The following PAM variants were observed in gnomAD, a reference collection of about 807,000 sequenced individuals.
PAM encodes peptidyl-glycine alpha-amidating monooxygenase.
PAM carries 72 observed loss-of-function variants against 122.1 expected under a neutral mutation model. That is an observed-to-expected ratio of 0.59 (90% CI 0.49 to 0.72). The LOEUF (loss-of-function observed/expected upper bound fraction) is 0.72, where lower values mean the gene tolerates loss of function less well. Ranked by LOEUF, PAM falls within the 30% of genes least tolerant of loss-of-function variation. The probability of loss-of-function intolerance (pLI) is 0.00; values close to 1 mark genes in which losing one functional copy is unlikely to be tolerated. For synonymous variants in PAM, 389 were observed against 404.4 expected, an observed-to-expected ratio of 0.96 and a Z score of 0.46; for missense variants, 1,106 against 1,183.7, an observed-to-expected ratio of 0.93 and a Z score of 0.96.
rs1417573441 is a variant in PAM at position 102,888,482 on chromosome 5, A to G, written c.211-12874A>G. Among the ~76,000 whole-genome samples, 9 of 151,956 alleles carry G rather than the reference A, an allele frequency of 5.9e-5. No individual in the cohort carries two copies. The East Asian group carries it at 1.4e-3, about 23-fold the overall frequency. ...TCTCTAAATTAGACAAAATTCTCAA[A>G]TCAAATCTAAATTCTCCTTATCTCC... On this transcript the variant is annotated intron_variant, in intron 3 of 25. Transcript: ENST00000438793.
chr5:103,002,137 C>G (rs1777587410), intron 16 of PAM, among the ~76,000 whole-genome samples: 1 of 151,984 alleles, frequency 6.6e-6, no homozygotes, highest in Non-Finnish European at 1.5e-5. Context: ...ATTACAGAAG[C>G]TTAGATTAGA....
At chr5:102,774,725 AT>A (rs1299894645) in intron 1 of PAM, among the ~76,000 whole-genome samples, 3 of 152,104 alleles carry the variant, frequency 2.0e-5, no homozygotes, top group Non-Finnish European at 2.9e-5. Context: ...CATGCGAACT[AT>A]TTATAAAGGT....
rs1213358388 is a variant in PAM, at chr5:103,028,934, A to T, written c.2791A>T (p.Lys931Ter). Reference protein sequence around the residue: ...LNLGNFFASRKGYSRKGFDRL... With the variant: ...LNLGNFFASR ...CCTTGGTAATTTCTTTGCAAGCCGT[A>T]AGGGCTACAGTCGAAAAGGGTTTGA... The change falls in exon 26 of 26, where the codon AAG becomes TAG. Residue 931 changes from lysine (K) to a stop codon, truncating the protein, a stop_gained. Coordinates refer to ENST00000438793, the MANE Select transcript of PAM (RefSeq NM_001177306.2). LOFTEE classifies it high-confidence loss of function. The T allele has an allele frequency of 6.2e-7, 1 of 1,613,164 alleles. No individual in the cohort carries two copies. Among genetic ancestry groups the T allele is most frequent in the East Asian group, 2.2e-5 (1 of 44,808 alleles).
chr5:102,985,687 T>G (rs987004850), intron 15 of PAM, among the ~76,000 whole-genome samples: 3 of 152,014 alleles, frequency 2.0e-5, no homozygotes, highest in Non-Finnish European at 4.4e-5. Context: ...TAATAACAAT[T>G]TTTTCAAACT....
chr5:102,836,022 G>T (rs1194702223), intron 1 of PAM, among the ~76,000 whole-genome samples: 2 of 152,052 alleles, frequency 1.3e-5, no homozygotes, highest in African/African-American at 4.8e-5. Context: ...TTGCGTTCTC[G>T]AATTGCCATT....
chr5:102,952,705 A>G (rs1759350927), intron 12 of PAM, among the ~76,000 whole-genome samples: 1 of 152,188 alleles, frequency 6.6e-6, no homozygotes, highest in African/African-American at 2.4e-5. Flanking sequence ...AACAACAGCA[A>G]TGTGTCTCTG....
At chr5:102,989,548 T>A (rs970790584) in intron 15 of PAM, among the ~76,000 whole-genome samples, 1 of 152,148 alleles carries the variant, frequency 6.6e-6, no homozygotes. Context: ...TCTGAAGATA[T>A]ATTCTGATCA....
intron 3 of PAM, among the ~76,000 whole-genome samples, chr5:102,875,614 A>C (rs1167462564): frequency 6.6e-6 from 1 of 152,226 alleles, no homozygotes; most frequent in African/African-American, 2.4e-5. Context: ...GATGCTTTGC[A>C]ATGAAGAATT....
At chr5:102,998,627 A>G (rs1387361641) in intron 16 of PAM, among the ~76,000 whole-genome samples, 1 of 152,230 alleles carries the variant, frequency 6.6e-6, no homozygotes, top group African/African-American at 2.4e-5. Flanking sequence ...TAGTTTTATT[A>G]TATGTAGTGA....
At chr5:102,993,195 A>G (rs1159194986) in intron 16 of PAM, among the ~76,000 whole-genome samples, 1 of 152,122 alleles carries the variant, frequency 6.6e-6, no homozygotes, top group African/African-American at 2.4e-5. Context: ...AGCTGAAATA[A>G]GAAATGCCTA....
intron 7 of PAM, among the ~76,000 whole-genome samples, chr5:102,934,114 C>T (rs1205337473): frequency 6.6e-6 from 1 of 152,166 alleles, no homozygotes; most frequent in Non-Finnish European, 1.5e-5. Flanking sequence ...TTTCGGAATA[C>T]TTTCCATATT....
intron 12 of PAM, among the ~76,000 whole-genome samples, chr5:102,954,487 TAATA>T (rs1313366162): frequency 6.6e-6 from 1 of 151,610 alleles, no homozygotes; most frequent in Admixed American, 6.6e-5. Flanking sequence ...TGAGATATAT[TAATA>T]AATATACTTA....
At chr5:102,994,573 G>A (rs934542349) in intron 16 of PAM, among the ~76,000 whole-genome samples, 1 of 152,078 alleles carries the variant, frequency 6.6e-6, no homozygotes, top group Non-Finnish European at 1.5e-5. Context: ...GTTAGTATAA[G>A]AGAATTGTAT....
At chr5:102,795,330 C>A (rs752901161) in intron 1 of PAM, among the ~76,000 whole-genome samples, 1 of 151,702 alleles carries the variant, frequency 6.6e-6, no homozygotes, top group Admixed American at 6.6e-5. Flanking sequence ...AGGTAAAACT[C>A]AAAAATTACT....
At chr5:102,771,642 G>A (rs1755810739) in intron 1 of PAM, among the ~76,000 whole-genome samples, 1 of 152,134 alleles carries the variant, frequency 6.6e-6, no homozygotes, top group Non-Finnish European at 1.5e-5. Context: ...GAAACTGGAG[G>A]AGTGACCTTT....
At chr5:102,885,590 AT>A (rs1420280114) in intron 3 of PAM, among the ~76,000 whole-genome samples, 1 of 151,978 alleles carries the variant, frequency 6.6e-6, no homozygotes, top group Admixed American at 6.6e-5. Flanking sequence ...AATAGTCTCT[AT>A]ATTTTTTCTC....
At chr5:102,791,679 C>T (rs1762110193) in intron 1 of PAM, among the ~76,000 whole-genome samples, 1 of 152,010 alleles carries the variant, frequency 6.6e-6, no homozygotes, top group Non-Finnish European at 1.5e-5. Context: ...ACCAAAAAAC[C>T]TCTTTAGATA....
chr5:102,970,061 G>T (rs1765342524), intron 14 of PAM, among the ~76,000 whole-genome samples: 1 of 152,118 alleles, frequency 6.6e-6, no homozygotes, highest in Non-Finnish European at 1.5e-5. Flanking sequence ...CCTCCCAGTA[G>T]ATCAAAATAA....
At chr5:102,898,994 A>G (rs1397217394) in intron 3 of PAM, among the ~76,000 whole-genome samples, 1 of 151,486 alleles carries the variant, frequency 6.6e-6, no homozygotes, top group Non-Finnish European at 1.5e-5. Context: ...TATGATAGAA[A>G]CTTCTAATTG....
Sources: gnomAD v4.1 joint callset for allele counts (sites outside exome capture counted in the v4.1 genomes callset) on GRCh38, gnomAD v4.1.1 for gene constraint, MANE v1.5 for transcripts, NCBI Gene and HGNC (gene_info 2026-07-23, HGNC 2026-07-21) for gene names.